Variants in CNTN2 observed in about 807,000 individuals in gnomAD.
CNTN2 encodes contactin-2.
In CNTN2, 53 loss-of-function variants were observed where a neutral mutation model predicts 117.5. The observed-to-expected ratio is 0.45, with a 90% confidence interval of 0.36 to 0.57. The LOEUF is 0.57. Among genes scored for constraint, CNTN2 ranks in the 20% least tolerant of loss-of-function variants. CNTN2 has a pLI of 0.00. For synonymous variants in CNTN2, 530 were observed against 561.7 expected, an observed-to-expected ratio of 0.94 and a Z score of 0.80; for missense variants, 1,106 against 1,404.3, an observed-to-expected ratio of 0.79 and a Z score of 3.39.
intron 9 of CNTN2, 160 bp from the exon 10 acceptor site, chr1:205,062,280 T>A (rs1014228413): frequency 1.9e-6 from 2 of 1,061,096 alleles, no homozygotes; most frequent in Admixed American, 5.2e-5. Flanking sequence ...GTAATCTGCA[T>A]CCTGAGGTTC....
intron 14 of CNTN2, 132 bp from the exon 15 acceptor site, chr1:205,066,309 T>A: frequency 4.8e-6 from 5 of 1,049,848 alleles, no homozygotes; most frequent in Non-Finnish European, 5.4e-6. Context: ...CCCTCCCGCC[T>A]GGGTGTGTGT....
intron 1 of CNTN2, among the ~76,000 whole-genome samples, chr1:205,046,238 G>A (rs2096441362): frequency 6.6e-6 from 1 of 152,200 alleles, no homozygotes; most frequent in Admixed American, 6.5e-5. Flanking sequence ...AGCAAGGAGT[G>A]TGATATTCTC....
chr1:205,069,443 T>G lies in CNTN2; in HGVS notation c.2126-48T>G, dbSNP rs201094089. ...GGCACAGGCTCAGGGCTTTCATTTT[T>G]TCCTTGCTCATTAACAAGCCATATC... On this transcript the variant is annotated intron_variant, in intron 16 of 22. Coordinates refer to ENST00000331830, the MANE Select transcript of CNTN2 (RefSeq NM_005076.5). 1,537 of 1,593,112 alleles carry G rather than the reference T, an allele frequency of 9.6e-4. 1 individual carries two copies. The highest frequency in any genetic ancestry group is 2.1e-3 in the East Asian group (93 of 44,696).
chr1:205,052,757 C>G lies in CNTN2; in HGVS notation c.-86-343C>G, dbSNP rs935486315. ...CCCATGCACAAGTCCTGTTCTCTTC[C>G]GGCCTCGCCTCAAGAGCTGACGGGC... On this transcript the variant is annotated intron_variant, in intron 1 of 22. Transcript: ENST00000331830. 2.6e-5 allele frequency among the ~76,000 whole-genome samples: 4 copies of G among 152,206 alleles called. No homozygotes were observed. The South Asian group carries it at 8.3e-4, about 32-fold the overall frequency.
At position 205,073,886 on chromosome 1, in the gene CNTN2, C is replaced by G; in HGVS notation, c.*121C>G. ...GAGAGTGGCTGGTTTTAAATACCTA[C>G]TTTAAACAGTGCCCTTTTTGTAGGA... is the stretch of plus-strand genomic sequence containing the variant. On this transcript the variant is annotated 3_prime_UTR_variant, in exon 23 of 23. Coordinates refer to ENST00000331830, the MANE Select transcript of CNTN2 (RefSeq NM_005076.5). The surrounding 1 kb of genome is among the most constrained non-coding windows in gnomAD (Gnocchi z 6.3). The G allele has an allele frequency of 1.4e-6, 1 of 721,254 alleles. No individual in the cohort carries two copies. Among genetic ancestry groups the G allele is most frequent in the Non-Finnish European group, 2.4e-6 (1 of 419,110 alleles). 44.7% of individuals were successfully genotyped at this position (721,254 alleles called of 1,614,324 possible).
intron 2 of CNTN2, among the ~76,000 whole-genome samples, chr1:205,056,381 G>A (rs763199580): frequency 2.6e-5 from 4 of 152,190 alleles, no homozygotes; most frequent in Non-Finnish European, 4.4e-5. Context: ...AGATGATGCC[G>A]TCACCGCCCG....
At position 205,061,524 on chromosome 1, in the gene CNTN2, GC is replaced by G. The variant is rs1214889674; in HGVS notation, c.973+109del. 12 of 1,339,106 alleles carry G rather than the reference GC, an allele frequency of 9.0e-6. No individual in the cohort carries two copies. The highest frequency in any genetic ancestry group is 1.2e-5 in the Non-Finnish European group (12 of 996,650). 83.0% of individuals were successfully genotyped at this position (1,339,106 alleles called of 1,614,324 possible). On this transcript the variant is annotated intron_variant, in intron 8 of 22. Transcript: ENST00000331830. This position sits in a 1 kb window ranked among gnomAD's most constrained non-coding sequence, Gnocchi z 4.8. ...CAAAAGTCAGGGAGGAGACTGGGAG[GC>G]CCCCTGCATGAGCCTGCTTGCCCTA...
intron 2 of CNTN2, among the ~76,000 whole-genome samples, chr1:205,055,965 G>C (rs898456521): frequency 2.6e-5 from 4 of 152,116 alleles, no homozygotes; most frequent in Non-Finnish European, 4.4e-5. Flanking sequence ...TGTGTGTCAG[G>C]GGGGAATGGA....
At chr1:205,070,108 T>C (rs1421581438) in intron 18 of CNTN2, 47 bp downstream of exon 18, 1 of 1,574,398 alleles carries the variant, frequency 6.4e-7, no homozygotes, top group Non-Finnish European at 8.7e-7. Context: ...CAGCCACTTG[T>C]CCACAGGGAT....
chr1:205,054,482 T>C (rs2096457928), intron 2 of CNTN2, among the ~76,000 whole-genome samples: 1 of 152,172 alleles, frequency 6.6e-6, no homozygotes, highest in Non-Finnish European at 1.5e-5. Context: ...AAGCCTCAAC[T>C]GCACAGAGCA....
Position 205,057,903 on chromosome 1 carries a change from T to C in CNTN2, c.71-18T>C. On this transcript the variant is annotated intron_variant, in intron 2 of 22. Coordinates refer to ENST00000331830, the MANE Select transcript of CNTN2 (RefSeq NM_005076.5). ...CAGGCCAAGGCTCTGAGGCATCTGG[T>C]GGTGTCATCACCTGCAGCTTGGAGT... 1 of 1,610,630 alleles carries C rather than the reference T, an allele frequency of 6.2e-7. No individual in the cohort carries two copies. The highest frequency in any genetic ancestry group is 8.5e-7 in the Non-Finnish European group (1 of 1,177,514).
chr1:205,075,235 C>T lies in CNTN2; in HGVS notation c.*1470C>T, dbSNP rs1487946102. 4.7e-6 allele frequency: 1 copy of T among 213,996 alleles called. No individual in the cohort carries two copies. Among genetic ancestry groups the T allele is most frequent in the East Asian group, 9.9e-5 (1 of 10,148 alleles). 13.3% of individuals were successfully genotyped at this position (213,996 alleles called of 1,614,324 possible). A position where few individuals can be genotyped will look rare whatever the true frequency, so the allele number is the denominator to read the frequency against. ...GATTAGTCAGTAGGGTGTGAAAATT[C>T]TACTTCAAGGGGTTCGGATTGGTGA... On this transcript the variant is annotated 3_prime_UTR_variant, in exon 23 of 23. Coordinates refer to ENST00000331830, the MANE Select transcript of CNTN2 (RefSeq NM_005076.5).
At chr1:205,057,618 A>G (rs1224998619) in intron 2 of CNTN2, 1 of 256,864 alleles carries the variant, frequency 3.9e-6, no homozygotes, top group East Asian at 8.1e-5. Context: ...GCAGGTGCTC[A>G]ATACCTAAGT....
chr1:205,058,441 T>C lies in CNTN2; in HGVS notation c.391+85T>C. The C allele has an allele frequency of 6.5e-7, 1 of 1,537,772 alleles. No individual in the cohort carries two copies. The highest frequency in any genetic ancestry group is 1.2e-5 in the South Asian group (1 of 83,128). ...TACTGAGAAAGGATAAGGGACACCCTCAAGCCGGGCCTTCCTGACCTCACA... is the reference window on the plus strand; with the variant it reads ...TACTGAGAAAGGATAAGGGACACCCCCAAGCCGGGCCTTCCTGACCTCACA... On this transcript the variant is annotated intron_variant, in intron 4 of 22. Transcript: ENST00000331830. This position sits in a 1 kb window ranked among gnomAD's most constrained non-coding sequence, Gnocchi z 4.3.
At position 205,058,646 on chromosome 1, in the gene CNTN2, C is replaced by T; in HGVS notation, c.470C>T (p.Pro157Leu). 1 of 1,613,868 alleles carries T rather than the reference C, an allele frequency of 6.2e-7. No individual in the cohort carries two copies. The change falls in exon 5 of 23, where the codon CCA becomes CTA. Residue 157 changes from proline (P) to leucine (L), a missense_variant. Pro to Leu is a moderately conservative substitution (Grantham distance 98, BLOSUM62 -3). Transcript: ENST00000331830. The surrounding 1 kb of genome is among the most constrained non-coding windows in gnomAD (Gnocchi z 4.3). ...TGGGGGGTGATGTTGCCCTGTAACC[C>T]ACCTGCCCACTACCCAGGTGAGTCC... is the stretch of plus-strand genomic sequence containing the variant. ...EGWGVMLPCN[P>L]PAHYPGLSYR... is the part of the protein sequence containing the mutation.
Position 205,065,676 on chromosome 1 carries a change from C to A in CNTN2, c.1696-113C>A. ...CAGGAAAACTGAGATCCAGTGGGGT[C>A]CATGGATGTCATGGAGTAGGGGACT... On this transcript the variant is annotated intron_variant, in intron 13 of 22. Transcript: ENST00000331830. The surrounding 1 kb of genome is among the most constrained non-coding windows in gnomAD (Gnocchi z 4.1). 8.8e-7 allele frequency: 1 copy of A among 1,136,968 alleles called. No homozygotes were observed. Among genetic ancestry groups the A allele is most frequent in the Non-Finnish European group, 1.2e-6 (1 of 818,710 alleles). 70.4% of individuals were successfully genotyped at this position (1,136,968 alleles called of 1,614,324 possible).
Position 205,072,117 on chromosome 1 carries a change from C to T in CNTN2, c.2715C>T (p.Ala905=), listed in dbSNP as rs748002055. ...GGCCTGCCAGCCCTTCTGCCAACGC[C>T]ACGACCATGAAGCCCCGTGAGTCTG... is the stretch of plus-strand genomic sequence containing the variant. ...GTGPASPSAN[A]TTMKPPPRRP... Residue 905 remains alanine, a synonymous_variant, in exon 20 of 23, where the codon GCC becomes GCT. Transcript: ENST00000331830. 1 of 1,611,088 alleles carries T rather than the reference C, an allele frequency of 6.2e-7. No individual in the cohort carries two copies. The highest frequency in any genetic ancestry group is 1.7e-5 in the Admixed American group (1 of 59,346).
Position 205,058,706 on chromosome 1 carries a change from G to A in CNTN2, c.487+43G>A, listed in dbSNP as rs1187063561. 9 of 1,492,406 alleles carry A rather than the reference G, an allele frequency of 6.0e-6. No individual in the cohort carries two copies. The African/African-American group carries it at 1.2e-4, about 21-fold the overall frequency. 92.4% of individuals were successfully genotyped at this position (1,492,406 alleles called of 1,614,324 possible). A position where few individuals can be genotyped will look rare whatever the true frequency, so the allele number is the denominator to read the frequency against. ...GCCAGGGTTAGAGAGGGCACAGGAA[G>A]GGCTTCCAGATGCTTGGCAGAGGAA... On this transcript the variant is annotated intron_variant, in intron 5 of 22. Transcript: ENST00000331830. The surrounding 1 kb of genome is among the most constrained non-coding windows in gnomAD (Gnocchi z 4.3).
rs750919252 is a variant in CNTN2, at chr1:205,072,087, C to A, written c.2685C>A (p.Gly895=). The change falls in exon 20 of 23, where the codon GGC becomes GGA. Residue 895 remains glycine (G), a synonymous_variant. Coordinates refer to ENST00000331830, the MANE Select transcript of CNTN2 (RefSeq NM_005076.5). The part of the protein sequence containing the change: ...HVTVRAYNRA[G]TGPASPSANA... ...CCGTGAGGGCCTACAACCGGGCTGG[C>A]ACTGGGCCTGCCAGCCCTTCTGCCA... 6 of 1,613,576 alleles carry A rather than the reference C, an allele frequency of 3.7e-6. No individual in the cohort carries two copies. The highest frequency in any genetic ancestry group is 5.1e-6 in the Non-Finnish European group (6 of 1,179,940).
Sources: allele counts gnomAD v4.1 joint callset (sites outside exome capture counted in the v4.1 genomes callset), GRCh38; gene constraint gnomAD v4.1.1; non-coding constraint Gnocchi (gnomAD v3.1); transcripts MANE v1.5; gene names NCBI Gene and HGNC (gene_info 2026-07-23, HGNC 2026-07-21).